The following FRMD6 variants were observed in gnomAD, a reference collection of about 807,000 sequenced individuals.
The protein encoded by FRMD6 is FERM domain-containing protein 6.
Under a neutral mutation model 73.2 loss-of-function variants are expected in FRMD6, and 37 were observed. The ratio of observed to expected loss-of-function variants is 0.51; its 90% confidence interval spans 0.39 to 0.66. FRMD6 has a LOEUF of 0.66. FRMD6 is among the 30% of genes least tolerant of loss of function. The pLI, the probability that FRMD6 is intolerant of heterozygous loss-of-function variation, is 0.00. For missense variants in FRMD6, 714 were observed against 780.5 expected, an observed-to-expected ratio of 0.91 and a Z score of 1.02; for synonymous variants, 273 against 282.2, an observed-to-expected ratio of 0.97 and a Z score of 0.33.
chr14:51,634,949 T>C (rs1043089431), intron 2 of FRMD6, among the ~76,000 whole-genome samples: 7 of 152,240 alleles, frequency 4.6e-5, no homozygotes, highest in Non-Finnish European at 8.8e-5. Context: ...CGGTGCTTGG[T>C]TGTTAAGCTG....
At chr14:51,411,719 G>A in the FRMD6 span, among the ~76,000 whole-genome samples, 1 of 152,232 alleles carries the variant, frequency 6.6e-6, no homozygotes, top group Non-Finnish European at 1.5e-5. Flanking sequence ...AGTTAATTAA[G>A]AGGGTGGATT....
the FRMD6 span, among the ~76,000 whole-genome samples, chr14:51,416,969 T>C: frequency 6.6e-6 from 1 of 151,978 alleles, no homozygotes; most frequent in Non-Finnish European, 1.5e-5. Context: ...GAGACTAGTA[T>C]TGCAACCCCT....
At chr14:51,648,853 G>A (rs1892197576), upstream of FRMD6, among the ~76,000 whole-genome samples, 1 of 152,160 alleles carries the variant, frequency 6.6e-6, no homozygotes, top group Non-Finnish European at 1.5e-5. Flanking sequence ...CAAAAATGTA[G>A]AGTTGTGTTA....
At chr14:51,621,511 G>A (rs1890925393) in intron 2 of FRMD6, among the ~76,000 whole-genome samples, 1 of 152,176 alleles carries the variant, frequency 6.6e-6, no homozygotes, top group Non-Finnish European at 1.5e-5. Context: ...AGGCCTGAAT[G>A]TCCTGCTGTT....
intron 2 of FRMD6, among the ~76,000 whole-genome samples, chr14:51,619,091 A>C (rs1301525913): frequency 6.6e-6 from 1 of 152,026 alleles, no homozygotes; most frequent in African/African-American, 2.4e-5. Flanking sequence ...ATTGCTTTGC[A>C]CATAACAGAA....
At chr14:51,524,607 A>G (rs1885133836) in intron 1 of FRMD6, among the ~76,000 whole-genome samples, 1 of 152,214 alleles carries the variant, frequency 6.6e-6, no homozygotes, top group African/African-American at 2.4e-5. Context: ...AACTGAGCAA[A>G]GAACGATTTG....
chr14:51,683,716 A>G (rs975191154), intron 1 of FRMD6, among the ~76,000 whole-genome samples: 5 of 152,180 alleles, frequency 3.3e-5, no homozygotes, highest in Non-Finnish European at 7.4e-5. Context: ...ACAGATGAAG[A>G]ATCAGATTTA....
chr14:51,498,546 C>A (rs1372017433), intron 1 of FRMD6, among the ~76,000 whole-genome samples: 1 of 152,162 alleles, frequency 6.6e-6, no homozygotes, highest in Admixed American at 6.5e-5. Flanking sequence ...TGGGCTTATG[C>A]ACGTGGCTGC....
At chr14:51,466,085 C>A in the FRMD6 span, among the ~76,000 whole-genome samples, 1 of 152,134 alleles carries the variant, frequency 6.6e-6, no homozygotes, top group African/African-American at 2.4e-5. Context: ...GTTTATCAGG[C>A]ACTTGTACAT....
At chr14:51,546,768 A>C (rs1306609796) in intron 1 of FRMD6, 1 of 152,162 alleles carries the variant, frequency 6.6e-6, no homozygotes, top group East Asian at 1.9e-4. Context: ...TTCTGATAAT[A>C]ACCTTCTCAG....
intron 1 of FRMD6, among the ~76,000 whole-genome samples, chr14:51,524,630 C>G (rs914667565): frequency 4.6e-5 from 7 of 152,070 alleles, no homozygotes; most frequent in African/African-American, 1.7e-4. Context: ...AATTGGGCAG[C>G]CCCCTAAACA....
At chr14:51,611,056 T>C (rs1890474030) in intron 2 of FRMD6, among the ~76,000 whole-genome samples, 1 of 152,144 alleles carries the variant, frequency 6.6e-6, no homozygotes, top group South Asian at 2.1e-4. Flanking sequence ...AATCGAGTAA[T>C]CTTTCTATTG....
intron 2 of FRMD6, among the ~76,000 whole-genome samples, chr14:51,576,448 CCT>C (rs1888408263): frequency 6.6e-6 from 1 of 152,194 alleles, no homozygotes; most frequent in Admixed American, 6.5e-5. Flanking sequence ...ACTGAAACCT[CCT>C]CTGTCTTCTG....
In FRMD6 at chr14:51,615,069, G is replaced by A. The variant is rs998124489; in HGVS notation, c.-147+44659G>A. ...GTATGACTGAGGAGTAACCTGTACT[G>A]TATTTTTAAAGGAGAGTTTAAGAGG... On this transcript the variant is annotated intron_variant, in intron 2 of 14. Coordinates refer to the FRMD6 transcript ENST00000356218. Among the ~76,000 whole-genome samples, 8 of 152,174 alleles carry A rather than the reference G, an allele frequency of 5.3e-5. No individual in the cohort carries two copies. In the East Asian group the frequency reaches 1.5e-3, roughly 29 times the overall value.
chr14:51,471,986 G>C, the FRMD6 span, among the ~76,000 whole-genome samples: 10 of 152,200 alleles, frequency 6.6e-5, no homozygotes, highest in Admixed American at 4.6e-4. Flanking sequence ...AGAAGACGCA[G>C]CATTCAAGGT....
chr14:51,420,716 T>C, the FRMD6 span, among the ~76,000 whole-genome samples: 1 of 152,212 alleles, frequency 6.6e-6, no homozygotes, highest in African/African-American at 2.4e-5. Context: ...AATCTAGATA[T>C]GATTTAAAGT....
At chr14:51,619,618 CA>C (rs1488952729) in intron 2 of FRMD6, among the ~76,000 whole-genome samples, 1 of 152,174 alleles carries the variant, frequency 6.6e-6, no homozygotes, top group Non-Finnish European at 1.5e-5. Context: ...GACTACTCCA[CA>C]CTAAGAGCAT....
chr14:51,715,960 GATGTGTCTGC>G (rs921672748), intron 10 of FRMD6, among the ~76,000 whole-genome samples: 1 of 152,208 alleles, frequency 6.6e-6, no homozygotes. Context: ...GTAGGTCACA[GATGTGTCTGC>G]AGCCTCTGAT....
At chr14:51,720,851 A>T (rs563327380) in intron 11 of FRMD6, among the ~76,000 whole-genome samples, 2 of 152,296 alleles carry the variant, frequency 1.3e-5, no homozygotes, top group Admixed American at 1.3e-4. Context: ...TGTAACCAGA[A>T]CTATAGGGAG....
Sources: allele counts gnomAD v4.1 joint callset (sites outside exome capture counted in the v4.1 genomes callset), GRCh38; gene constraint gnomAD v4.1.1; transcripts MANE v1.5; gene names NCBI Gene and HGNC (gene_info 2026-07-23, HGNC 2026-07-21).